Variants in ATP8B4 observed in about 807,000 individuals in gnomAD.
ATP8B4 encodes the protein probable phospholipid-transporting ATPase IM.
ATP8B4 carries 133 observed loss-of-function variants against 145.6 expected under a neutral mutation model. That is an observed-to-expected ratio of 0.91 (90% CI 0.79 to 1.05). ATP8B4 has a LOEUF of 1.05. Ranked by LOEUF, ATP8B4 falls within the 50% of genes least tolerant of loss-of-function variation. The pLI is 0.00. For missense variants in ATP8B4, 1,458 were observed against 1,425.2 expected, an observed-to-expected ratio of 1.02 and a Z score of -0.37; for synonymous variants, 507 against 492.9, an observed-to-expected ratio of 1.03 and a Z score of -0.38.
intron 5 of ATP8B4, among the ~76,000 whole-genome samples, chr15:50,039,104 A>G (rs1241265754): frequency 6.6e-6 from 1 of 152,240 alleles, no homozygotes. Context: ...TAAGAAGACA[A>G]TATGCTCTCT....
chr15:49,865,432 C>G (rs1365339734), intron 26 of ATP8B4, among the ~76,000 whole-genome samples: 2 of 152,122 alleles, frequency 1.3e-5, no homozygotes, highest in Non-Finnish European at 2.9e-5. Context: ...TTAATCAAAC[C>G]CAGGGAGGGG....
At chr15:50,167,592 C>T (rs115431433) in intron 1 of ATP8B4, among the ~76,000 whole-genome samples, 138 of 152,222 alleles carry the variant, frequency 9.1e-4, no homozygotes, top group African/African-American at 3.3e-3. Flanking sequence ...AATAATGTCA[C>T]ATTCACAGGC....
At chr15:50,061,299 G>C (rs1334248118) in intron 3 of ATP8B4, among the ~76,000 whole-genome samples, 1 of 152,126 alleles carries the variant, frequency 6.6e-6, no homozygotes, top group East Asian at 1.9e-4. Flanking sequence ...AAGGAATCAT[G>C]GAGGAAATTC....
At chr15:49,977,185 A>G (rs1365416840) in intron 12 of ATP8B4, among the ~76,000 whole-genome samples, 1 of 152,160 alleles carries the variant, frequency 6.6e-6, no homozygotes. Flanking sequence ...TACTCTTTGT[A>G]CATATTCTAA....
intron 2 of ATP8B4, among the ~76,000 whole-genome samples, chr15:50,094,114 C>G (rs915005477): frequency 6.6e-5 from 10 of 152,128 alleles, no homozygotes; most frequent in African/African-American, 2.4e-4. Flanking sequence ...GATATTTGGT[C>G]AAGCACAGTT....
rs141944188 is a variant in ATP8B4 at position 49,954,037 on chromosome 15, C to G, written c.1287+7940G>C. Among the ~76,000 whole-genome samples, 977 of 152,142 alleles carry G rather than the reference C, an allele frequency of 6.4e-3. 12 individuals carry two copies. The highest frequency in any genetic ancestry group is 0.022 in the African/African-American group (932 of 41,536). On this transcript the variant is annotated intron_variant, in intron 14 of 27. Transcript: ENST00000284509. ...AATTTTGAAGAGAGAACCTGGATAC[C>G]TTGGTTGCCGGTGAAGGATTCACAT...
intron 17 of ATP8B4, among the ~76,000 whole-genome samples, chr15:49,922,614 T>C (rs181002010): frequency 6.6e-6 from 1 of 152,116 alleles, no homozygotes; most frequent in Non-Finnish European, 1.5e-5. Flanking sequence ...CAATAATATC[T>C]TAAAGGAAAG....
At chr15:49,898,819 A>G (rs896127192) in intron 21 of ATP8B4, among the ~76,000 whole-genome samples, 9 of 152,178 alleles carry the variant, frequency 5.9e-5, no homozygotes, top group Admixed American at 5.2e-4. Flanking sequence ...GGGGCACGCA[A>G]GCTGCGTCAC....
chr15:50,086,082 A>T (rs181966204), intron 2 of ATP8B4, among the ~76,000 whole-genome samples: 56,813 of 88,024 alleles, frequency 0.65, 19,994 homozygotes, highest in African/African-American at 0.89. Context: ...TAAATATAGA[A>T]CTATACTTAT....
Position 49,972,706 on chromosome 15 carries a change from C to A in ATP8B4, c.1119G>T (p.Val373=). 1 of 1,613,942 alleles carries A rather than the reference C, an allele frequency of 6.2e-7. No individual in the cohort carries two copies. Among genetic ancestry groups the A allele is most frequent in the Non-Finnish European group, 8.5e-7 (1 of 1,179,984 alleles). Residue 373 remains valine, a synonymous_variant, in exon 13 of 28, where the codon GTG becomes GTT. Coordinates refer to ENST00000284509, the MANE Select transcript of ATP8B4 (RefSeq NM_024837.4). ...CCTCATTGAGCGTGGTCGTTCGAGC[C>A]ACTGCAGGTATTGCTTTTCGAGAAT... is the stretch of plus-strand genomic sequence containing the variant. The part of the protein sequence containing the change: ...MYYSRKAIPA[V]ARTTTLNEEL...
chr15:49,931,656 A>AAG (rs1432948982), intron 15 of ATP8B4, among the ~76,000 whole-genome samples: 3 of 152,066 alleles, frequency 2.0e-5, no homozygotes, highest in African/African-American at 7.2e-5. Context: ...AAAACATTTT[A>AAG]ATATATATTA....
chr15:50,082,800 G>A (rs2054638581), intron 2 of ATP8B4, among the ~76,000 whole-genome samples: 1 of 152,186 alleles, frequency 6.6e-6, no homozygotes, highest in South Asian at 2.1e-4. Context: ...ACTACATGAA[G>A]TGTTTCACAC....
At chr15:50,023,456 A>G (rs768911686) in intron 6 of ATP8B4, among the ~76,000 whole-genome samples, 2 of 152,188 alleles carry the variant, frequency 1.3e-5, no homozygotes, top group Non-Finnish European at 2.9e-5. Context: ...AGTCCTTTGC[A>G]TATTTGTTTG....
In ATP8B4 at chr15:50,002,198, C is replaced by T; in HGVS notation, c.461G>A (p.Ser154Asn). 1 of 1,610,850 alleles carries T rather than the reference C, an allele frequency of 6.2e-7. No homozygotes were observed. The highest frequency in any genetic ancestry group is 1.7e-5 in the Admixed American group (1 of 59,868). ...VAADLLLLSS[S>N]EPHGLCYVET... is the part of the protein sequence containing the mutation. ...AACATAACAGAGACCATGTGGCTCA[C>T]TACTTGATAGGAGAAGTAAATCAGC... Residue 154 changes from serine (S) to asparagine (N), a missense_variant, in exon 8 of 28, where the codon AGT becomes AAT. Ser to Asn is a conservative substitution (Grantham distance 46, BLOSUM62 1). Coordinates refer to ENST00000284509, the MANE Select transcript of ATP8B4 (RefSeq NM_024837.4).
At chr15:49,971,166 C>A (rs1266475841) in intron 13 of ATP8B4, among the ~76,000 whole-genome samples, 1 of 152,042 alleles carries the variant, frequency 6.6e-6, no homozygotes, top group African/African-American at 2.4e-5. Context: ...ACCATAAAAA[C>A]CTAGAAGAAA....
chr15:50,135,867 G>A (rs2044114903), intron 1 of ATP8B4, among the ~76,000 whole-genome samples: 1 of 152,152 alleles, frequency 6.6e-6, no homozygotes, highest in Non-Finnish European at 1.5e-5. Flanking sequence ...ACAGAAGAAT[G>A]CTAAATTCTC....
At chr15:50,158,443 T>C (rs1428268469) in intron 1 of ATP8B4, among the ~76,000 whole-genome samples, 1 of 137,004 alleles carries the variant, frequency 7.3e-6, no homozygotes, top group Non-Finnish European at 1.5e-5. Flanking sequence ...AGGTGGGGGG[T>C]CAGACCCCGC....
intron 5 of ATP8B4, among the ~76,000 whole-genome samples, chr15:50,043,959 CAAAAAAAA>C (rs71424043): frequency 4.0e-5 from 3 of 75,030 alleles, no homozygotes; most frequent in African/African-American, 4.9e-5. Context: ...GACTCCGTTT[CAAAAAAAA>C]AAAAAAAAAA....
At chr15:50,145,521 A>G (rs556887576) in intron 1 of ATP8B4, among the ~76,000 whole-genome samples, 1 of 152,332 alleles carries the variant, frequency 6.6e-6, no homozygotes, top group East Asian at 1.9e-4. Flanking sequence ...TCATCATTCC[A>G]TGTAGGTGCG....
Sources: gnomAD v4.1 joint callset for allele counts (sites outside exome capture counted in the v4.1 genomes callset) on GRCh38, gnomAD v4.1.1 for gene constraint, MANE v1.5 for transcripts, NCBI Gene and HGNC (gene_info 2026-07-23, HGNC 2026-07-21) for gene names.